Variants in DFFA observed in about 807,000 individuals in gnomAD.
The protein encoded by DFFA is DFF45.
A neutral mutation model predicts 28.0 loss-of-function variants in DFFA; 14 were observed. That is an observed-to-expected ratio of 0.50 (90% CI 0.33 to 0.78). The LOEUF is 0.78. DFFA is among the 30% of genes least tolerant of loss of function. The pLI is 0.02. For missense variants in DFFA, 395 were observed against 407.1 expected, an observed-to-expected ratio of 0.97 and a Z score of 0.26; for synonymous variants, 158 against 170.3, an observed-to-expected ratio of 0.93 and a Z score of 0.56.
chr1:10,463,267 C>A, intron 4 of DFFA, 58 bp from the exon 5 acceptor site: 1 of 1,591,422 alleles, frequency 6.3e-7, no homozygotes, highest in Admixed American at 1.7e-5. Flanking sequence ...GCCACATGAA[C>A]AACTCGCCAG....
At chr1:10,466,952 CAAAAAAAAA>C (rs34597195) in intron 3 of DFFA, among the ~76,000 whole-genome samples, 3 of 32,724 alleles carry the variant, frequency 9.2e-5, no homozygotes, top group Non-Finnish European at 2.3e-4. Context: ...GACTGTGTCT[CAAAAAAAAA>C]AAAAAAAAAA....
Position 10,461,658 on chromosome 1 carries a change from G to C in DFFA, c.828C>G (p.Asn276Lys). The C allele has an allele frequency of 6.2e-7, 1 of 1,614,250 alleles. No individual in the cohort carries two copies. Among genetic ancestry groups the C allele is most frequent in the Non-Finnish European group, 8.5e-7 (1 of 1,180,038 alleles). Residue 276 changes from asparagine to lysine, a missense_variant, in exon 6 of 6, where the codon AAC becomes AAG. Coordinates refer to ENST00000377038, the MANE Select transcript of DFFA (RefSeq NM_004401.3). ...CAGTCTCCGTCTTCTTTATGTCCCAGTTCAAGGCAACAGCCAGTGCTTTGG... is the reference window on the plus strand; with the variant it reads ...CAGTCTCCGTCTTCTTTATGTCCCACTTCAAGGCAACAGCCAGTGCTTTGG... ...EDPKALAVAL[N>K]WDIKKTETVQ... is the part of the protein sequence containing the mutation.
rs766477853 is a variant in DFFA at position 10,461,658 on chromosome 1, G to A, written c.828C>T (p.Asn276=). 1 of 1,614,250 alleles carries A rather than the reference G, an allele frequency of 6.2e-7. No homozygotes were observed. Among genetic ancestry groups the A allele is most frequent in the East Asian group, 2.2e-5 (1 of 44,888 alleles). ...CAGTCTCCGTCTTCTTTATGTCCCA[G>A]TTCAAGGCAACAGCCAGTGCTTTGG... ...EDPKALAVAL[N]WDIKKTETVQ... is the part of the protein sequence containing the mutation. Residue 276 remains asparagine, a synonymous_variant, in exon 6 of 6, where the codon AAC becomes AAT. Transcript: ENST00000377038.
At position 10,463,092 on chromosome 1, in the gene DFFA, G is replaced by T; in HGVS notation, c.749C>A (p.Ala250Asp). 1 of 1,614,136 alleles carries T rather than the reference G, an allele frequency of 6.2e-7. No homozygotes were observed. Among genetic ancestry groups the T allele is most frequent in the Non-Finnish European group, 8.5e-7 (1 of 1,180,024 alleles). Residue 250 changes from alanine to aspartate, a missense_variant, in exon 5 of 6, where the codon GCT becomes GAT. Coordinates refer to ENST00000377038, the MANE Select transcript of DFFA (RefSeq NM_004401.3). ...CTGACTAGATAAGCTCAGCTCTGGA[G>T]CCTGCTTCTCCCTCAGTGCAGTAAG... ...HILTALREKQAPELSLSSQDL... is the reference protein window; with the variant it reads ...HILTALREKQDPELSLSSQDL...
rs1640914934 is a variant in DFFA, at chr1:10,460,572, C to T, written c.*918G>A. Reference sequence around the variant, plus strand: ...TGAGACAGAGTGTCACTCTGTCACCCAGGCTGGAGTACAGTGGCATAATCT... The same window carrying T: ...TGAGACAGAGTGTCACTCTGTCACCTAGGCTGGAGTACAGTGGCATAATCT... On this transcript the variant is annotated 3_prime_UTR_variant, in exon 6 of 6. Coordinates refer to ENST00000377038, the MANE Select transcript of DFFA (RefSeq NM_004401.3). The T allele has an allele frequency of 6.9e-6, 1 of 145,942 alleles. No individual in the cohort carries two copies. Among genetic ancestry groups the T allele is most frequent in the East Asian group, 2.1e-4 (1 of 4,808 alleles). The allele number at this position is 145,942 out of a possible 1,614,324, so 9.0% of individuals were successfully genotyped here. A position where few individuals can be genotyped will look rare whatever the true frequency, so the allele number is the denominator to read the frequency against.
rs796696895 is a variant in DFFA at position 10,461,394 on chromosome 1, G to A, written c.*96C>T. 2.9e-5 allele frequency: 43 copies of A among 1,488,432 alleles called. 1 individual carries two copies. In the South Asian group the frequency reaches 5.5e-4, roughly 19 times the overall value. The allele number at this position is 1,488,432 out of a possible 1,614,324, so 92.2% of individuals were successfully genotyped here. A position where few individuals can be genotyped will look rare whatever the true frequency, so the allele number is the denominator to read the frequency against. On this transcript the variant is annotated 3_prime_UTR_variant, in exon 6 of 6. Transcript: ENST00000377038. ...TCTCTGGAAGGTGCTCTAAGGCAGG[G>A]GGTAGAGTAGTACATAGGTAGTCAA... is the stretch of plus-strand genomic sequence containing the variant.
chr1:10,472,162 A>C lies in DFFA; in HGVS notation c.136+161T>G. 1.2e-6 allele frequency: 1 copy of C among 818,196 alleles called. No individual in the cohort carries two copies. Among genetic ancestry groups the C allele is most frequent in the Non-Finnish European group, 1.8e-6 (1 of 564,430 alleles). The allele number at this position is 818,196 out of a possible 1,614,324, so 50.7% of individuals were successfully genotyped here. ...AGATTAATTACGCTCAAGCGCCTTA[A>C]ATCTGTAAATCGCTATGCCCACTCG... On this transcript the variant is annotated intron_variant, in intron 1 of 5. Coordinates refer to ENST00000377038, the MANE Select transcript of DFFA (RefSeq NM_004401.3). This position sits in a 1 kb window ranked among gnomAD's most constrained non-coding sequence, Gnocchi z 5.0.
At chr1:10,466,439 T>C (rs1272454892) in intron 3 of DFFA, among the ~76,000 whole-genome samples, 4 of 151,752 alleles carry the variant, frequency 2.6e-5, no homozygotes, top group African/African-American at 9.7e-5. Context: ...TCTGCCCGCC[T>C]CGGCCTCCCA....
rs1640902509 is a variant in DFFA at position 10,459,790 on chromosome 1, G to A, written c.*1700C>T. ...CATCCAGGCTGGAGTATGGTGGCAT[G>A]ATCAGCCTTGAGCTCCTGGGCTCAA... is the stretch of plus-strand genomic sequence containing the variant. On this transcript the variant is annotated 3_prime_UTR_variant, in exon 6 of 6. Transcript: ENST00000377038. The A allele has an allele frequency of 6.6e-6, 1 of 151,320 alleles. No individual in the cohort carries two copies. The highest frequency in any genetic ancestry group is 2.4e-5 in the African/African-American group (1 of 41,116). 9.4% of individuals were successfully genotyped at this position (151,320 alleles called of 1,614,324 possible). A position where few individuals can be genotyped will look rare whatever the true frequency, so the allele number is the denominator to read the frequency against.
Position 10,467,220 on chromosome 1 carries a change from G to C in DFFA, c.411C>G (p.Ser137Arg), listed in dbSNP as rs754147021. 11 of 1,614,146 alleles carry C rather than the reference G, an allele frequency of 6.8e-6. No individual in the cohort carries two copies. Among genetic ancestry groups the C allele is most frequent in the Non-Finnish European group, 8.5e-6 (10 of 1,180,032 alleles). ...VARQLKEDLSSIILLSEEDLQ... is the reference protein window; with the variant it reads ...VARQLKEDLSRIILLSEEDLQ... Reference sequence around the variant, plus strand: ...GGTCCTCCTCTGATAGGAGGATGATGCTGGACAGATCTTCTTTCAGCTGCC... The same window carrying C: ...GGTCCTCCTCTGATAGGAGGATGATCCTGGACAGATCTTCTTTCAGCTGCC... The change falls in exon 3 of 6, where the codon AGC becomes AGG. Residue 137 changes from serine (S) to arginine (R), a missense_variant. Ser to Arg is a moderately radical substitution (Grantham distance 110). Coordinates refer to ENST00000377038, the MANE Select transcript of DFFA (RefSeq NM_004401.3).
Position 10,458,094 on chromosome 1 carries a change from G to A in DFFA, c.*3396C>T, listed in dbSNP as rs1640883839. 1 of 152,164 alleles carries A rather than the reference G, an allele frequency of 6.6e-6. No individual in the cohort carries two copies. The highest frequency in any genetic ancestry group is 2.1e-4 in the South Asian group (1 of 4,824). 9.4% of individuals were successfully genotyped at this position (152,164 alleles called of 1,614,324 possible). Reference sequence around the variant, plus strand: ...AAGGACAGACACGTTTACTGTTCTGGGAAATCCCATTTCCAAGGGCAACGC... The same window carrying A: ...AAGGACAGACACGTTTACTGTTCTGAGAAATCCCATTTCCAAGGGCAACGC... On this transcript the variant is annotated 3_prime_UTR_variant, in exon 6 of 6. Coordinates refer to ENST00000377038, the MANE Select transcript of DFFA (RefSeq NM_004401.3).
rs1373517855 is a variant in DFFA at position 10,458,455 on chromosome 1, T to A, written c.*3035A>T. 1 of 151,860 alleles carries A rather than the reference T, an allele frequency of 6.6e-6. No individual in the cohort carries two copies. The highest frequency in any genetic ancestry group is 1.5e-5 in the Non-Finnish European group (1 of 68,012). 9.4% of individuals were successfully genotyped at this position (151,860 alleles called of 1,614,324 possible). A position where few individuals can be genotyped will look rare whatever the true frequency, so the allele number is the denominator to read the frequency against. ...GTAGAAGATCTAAGCCCTTCTTGAA[T>A]CACAGGAAAAGGAAACAGTTGTTTT... On this transcript the variant is annotated 3_prime_UTR_variant, in exon 6 of 6. Coordinates refer to ENST00000377038, the MANE Select transcript of DFFA (RefSeq NM_004401.3).
chr1:10,463,309 C>T (rs796267013), intron 4 of DFFA, 100 bp from the exon 5 acceptor site: 17 of 1,550,888 alleles, frequency 1.1e-5, no homozygotes, highest in African/African-American at 8.1e-5. Context: ...GAAACGTGCC[C>T]GTCCCGCATC....
intron 2 of DFFA, among the ~76,000 whole-genome samples, chr1:10,467,810 C>T (rs1641043790): frequency 6.6e-6 from 1 of 152,138 alleles, no homozygotes; most frequent in African/African-American, 2.4e-5. Context: ...CGTGCCTGAC[C>T]CTCTTTCATC....
At chr1:10,462,676 G>A (rs1267982036) in intron 5 of DFFA, 15 of 1,031,958 alleles carry the variant, frequency 1.5e-5, no homozygotes, top group East Asian at 1.6e-4. Flanking sequence ...AGCAGGCGAC[G>A]ATCCCCTCAA....
rs1640894683 is a variant in DFFA at position 10,459,042 on chromosome 1, C to CG, written c.*2447dup. ...TAATTTTTTATAATTTCAGTAGAGA[C>CG]GGGGTTTCACCATGTTGGCTAGGCT... On this transcript the variant is annotated 3_prime_UTR_variant, in exon 6 of 6. Coordinates refer to ENST00000377038, the MANE Select transcript of DFFA (RefSeq NM_004401.3). 4.0e-5 allele frequency: 6 copies of CG among 151,364 alleles called. No homozygotes were observed. In the South Asian group the frequency reaches 1.2e-3, roughly 32 times the overall value. 9.4% of individuals were successfully genotyped at this position (151,364 alleles called of 1,614,324 possible).
rs1640900842 is a variant in DFFA, at chr1:10,459,713, T to G, written c.*1777A>C. 6.6e-6 allele frequency: 1 copy of G among 151,272 alleles called. No homozygotes were observed. Among genetic ancestry groups the G allele is most frequent in the Admixed American group, 6.6e-5 (1 of 15,152 alleles). 9.4% of individuals were successfully genotyped at this position (151,272 alleles called of 1,614,324 possible). A position where few individuals can be genotyped will look rare whatever the true frequency, so the allele number is the denominator to read the frequency against. On this transcript the variant is annotated 3_prime_UTR_variant, in exon 6 of 6. Transcript: ENST00000377038. Reference sequence around the variant, plus strand: ...ATACGACCATTTCTTTTCATTGCCCTTGATGGTTACCTTTTTAAAAAAAAA... The same window carrying G: ...ATACGACCATTTCTTTTCATTGCCCGTGATGGTTACCTTTTTAAAAAAAAA...
At chr1:10,466,517 A>G (rs939742883) in intron 3 of DFFA, among the ~76,000 whole-genome samples, 1 of 151,996 alleles carries the variant, frequency 6.6e-6, no homozygotes, top group African/African-American at 2.4e-5. Flanking sequence ...GAGAAAACAC[A>G]AGGAGAGAAG....
chr1:10,456,686 A>G lies in DFFA; in HGVS notation c.*4804T>C, dbSNP rs1640866577. The G allele has an allele frequency of 6.6e-6, 1 of 152,156 alleles. No individual in the cohort carries two copies. Among genetic ancestry groups the G allele is most frequent in the African/African-American group, 2.4e-5 (1 of 41,434 alleles). 9.4% of individuals were successfully genotyped at this position (152,156 alleles called of 1,614,324 possible). A position where few individuals can be genotyped will look rare whatever the true frequency, so the allele number is the denominator to read the frequency against. On this transcript the variant is annotated 3_prime_UTR_variant, in exon 6 of 6. Transcript: ENST00000377038. ...TTTTTCTCTTTTGCTTTTACCCAGAAATTAAAGGTTGGTAAGTGGTAATTA... is the reference window on the plus strand; with the variant it reads ...TTTTTCTCTTTTGCTTTTACCCAGAGATTAAAGGTTGGTAAGTGGTAATTA...
Sources: allele counts gnomAD v4.1 joint callset (sites outside exome capture counted in the v4.1 genomes callset), GRCh38; gene constraint gnomAD v4.1.1; non-coding constraint Gnocchi (gnomAD v3.1); transcripts MANE v1.5; gene names NCBI Gene and HGNC (gene_info 2026-07-23, HGNC 2026-07-21).